MAP4K3: variants seen among roughly 807,000 people sequenced by gnomAD.
MAP4K3 encodes MAPK/ERK kinase kinase kinase 3.
In MAP4K3, 94 loss-of-function variants were observed where a neutral mutation model predicts 143.5. The ratio of observed to expected loss-of-function variants is 0.65; its 90% confidence interval spans 0.55 to 0.78. The LOEUF (loss-of-function observed/expected upper bound fraction) is 0.78, where lower values mean the gene tolerates loss of function less well. Among genes scored for constraint, MAP4K3 ranks in the 30% least tolerant of loss-of-function variants. MAP4K3 has a pLI of 0.00. For missense variants in MAP4K3, 1,077 were observed against 1,068.1 expected (o/e 1.01, Z -0.12); for synonymous variants, 416 against 347.2 (o/e 1.20, Z -2.20).
At chr2:39,269,543 T>C (rs1680924905) in intron 26 of MAP4K3, among the ~76,000 whole-genome samples, 1 of 145,760 alleles carries the variant, frequency 6.9e-6, no homozygotes, top group Non-Finnish European at 1.5e-5. Flanking sequence ...GGCTCAATCT[T>C]GGGTCACCGC....
At chr2:39,422,130 G>A (rs1006615520) in intron 1 of MAP4K3, among the ~76,000 whole-genome samples, 6 of 151,562 alleles carry the variant, frequency 4.0e-5, no homozygotes, top group Non-Finnish European at 1.5e-5. Flanking sequence ...AAATACTCCT[G>A]AGAAAAACAC....
intron 31 of MAP4K3, among the ~76,000 whole-genome samples, chr2:39,255,678 A>C (rs1023851337): frequency 5.3e-5 from 8 of 152,158 alleles, no homozygotes; most frequent in Non-Finnish European, 1.2e-4. Flanking sequence ...CTTCCATATA[A>C]ATTTATTTTT....
chr2:39,332,040 T>C, intron 7 of MAP4K3, 51 bp from the exon 8 acceptor site: 1 of 1,046,280 alleles, frequency 9.6e-7, no homozygotes, highest in Non-Finnish European at 1.4e-6. Context: ...AATAAAATTG[T>C]TTAAGGCAAC....
At chr2:39,263,033 A>C (rs890222456) in intron 28 of MAP4K3, among the ~76,000 whole-genome samples, 1 of 151,912 alleles carries the variant, frequency 6.6e-6, no homozygotes, top group Non-Finnish European at 1.5e-5. Flanking sequence ...CTGAGGGTGC[A>C]GTGAGCTGAG....
At chr2:39,369,213 T>TTTTTTTTTTTTTTTTTTTTTA (rs1666013971) in intron 2 of MAP4K3, among the ~76,000 whole-genome samples, 1 of 147,888 alleles carries the variant, frequency 6.8e-6, no homozygotes. Flanking sequence ...TTGTTTTTTT[T>TTTTTTTTTTTTTTTTTTTTTA]GAGATGCAGT....
At position 39,416,002 on chromosome 2, in the gene MAP4K3, TATAAAA is replaced by T. The variant is rs1215696480; in HGVS notation, c.96+20884_96+20889del. Among the ~76,000 whole-genome samples the T allele has an allele frequency of 6.9e-3, 627 of 91,096 alleles. 49 individuals carry two copies. Among genetic ancestry groups the T allele is most frequent in the African/African-American group, 0.028 (603 of 21,346 alleles). 59.8% of individuals were successfully genotyped at this position (91,096 alleles called of 152,430 possible). A position where few individuals can be genotyped will look rare whatever the true frequency, so the allele number is the denominator to read the frequency against. On this transcript the variant is annotated intron_variant, in intron 1 of 33. Transcript: ENST00000263881. ...AAAAATATATATATATATATATATA[TATAAAA>T]ATAACATTTGGAAGAATAAATTCCC...
Position 39,395,807 on chromosome 2 carries a change from T to A in MAP4K3, c.97-17684A>T, listed in dbSNP as rs1051927748. On this transcript the variant is annotated intron_variant, in intron 1 of 33. Coordinates refer to ENST00000263881, the MANE Select transcript of MAP4K3 (RefSeq NM_003618.4). ...AAACACTATCAAATAATTCTTTCCA[T>A]CTGTTTAGTTAAAAGGAGGGGGAGA... is the stretch of plus-strand genomic sequence containing the variant. 1.2e-4 allele frequency among the ~76,000 whole-genome samples: 18 copies of A among 152,202 alleles called. 1 individual carries two copies. The highest frequency in any genetic ancestry group is 1.3e-4 in the Non-Finnish European group (9 of 68,030).
chr2:39,291,556 G>T (rs1170011516), intron 18 of MAP4K3, among the ~76,000 whole-genome samples: 1 of 152,152 alleles, frequency 6.6e-6, no homozygotes, highest in Non-Finnish European at 1.5e-5. Context: ...GAATGTGACT[G>T]AAGTTAGGAT....
chr2:39,313,492 T>G (rs1462610135), intron 13 of MAP4K3, among the ~76,000 whole-genome samples: 1 of 152,088 alleles, frequency 6.6e-6, no homozygotes, highest in Non-Finnish European at 1.5e-5. Flanking sequence ...TTTCTTTTCT[T>G]TTCTTTCTTC....
chr2:39,345,746 C>T lies in MAP4K3; in HGVS notation c.246-2294G>A, dbSNP rs1417938461. On this transcript the variant is annotated intron_variant, in intron 3 of 33. Coordinates refer to ENST00000263881, the MANE Select transcript of MAP4K3 (RefSeq NM_003618.4). ...CATCCTGGCTAACACGGTGAAACCA[C>T]GTCTCTACTAAAAATACAAGAAGAA... Among the ~76,000 whole-genome samples the T allele has an allele frequency of 3.3e-5, 5 of 151,818 alleles. No individual in the cohort carries two copies. The East Asian group carries it at 7.8e-4, about 24-fold the overall frequency.
At chr2:39,268,192 A>T (rs10185961) in intron 26 of MAP4K3, among the ~76,000 whole-genome samples, 105,308 of 152,138 alleles carry the variant, frequency 0.69, 40,368 homozygotes, top group Non-Finnish European at 0.85. Flanking sequence ...GAATTTTTTT[A>T]AAAACTACAA....
intron 22 of MAP4K3, among the ~76,000 whole-genome samples, chr2:39,281,373 A>G (rs912737614): frequency 4.6e-5 from 7 of 152,202 alleles, no homozygotes; most frequent in African/African-American, 1.7e-4. Flanking sequence ...TATATCTTTA[A>G]AGACTCTGGT....
intron 24 of MAP4K3, among the ~76,000 whole-genome samples, chr2:39,275,981 T>C (rs544544162): frequency 6.6e-5 from 10 of 152,304 alleles, no homozygotes; most frequent in Admixed American, 2.0e-4. Context: ...TAAGTGATTC[T>C]CCTGTCTCAG....
At chr2:39,413,165 A>G in intron 1 of MAP4K3, among the ~76,000 whole-genome samples, 1 of 152,368 alleles carries the variant, frequency 6.6e-6, no homozygotes, top group African/African-American at 2.4e-5. Context: ...TTCATGCAGT[A>G]AAAGTTAGAG....
intron 3 of MAP4K3, among the ~76,000 whole-genome samples, chr2:39,352,801 T>C (rs184385328): frequency 2.6e-5 from 4 of 152,290 alleles, no homozygotes; most frequent in Non-Finnish European, 4.4e-5. Flanking sequence ...AGAAAATTCA[T>C]AGGGTAAATC....
chr2:39,325,557 A>G lies in MAP4K3; in HGVS notation c.879T>C (p.Asp293=), dbSNP rs1683461446. The change falls in exon 12 of 34, where the codon GAT becomes GAC. Residue 293 remains aspartate, a synonymous_variant. Coordinates refer to ENST00000263881, the MANE Select transcript of MAP4K3 (RefSeq NM_003618.4). ...CATCGAAATCATGGTAAGTGGAATGATCTGGATTATTTACTTTATCCAACA... is the reference window on the plus strand; with the variant it reads ...CATCGAAATCATGGTAAGTGGAATGGTCTGGATTATTTACTTTATCCAACA... ...IELLDKVNNP[D]HSTYHDFDDD... 1.2e-6 allele frequency: 2 copies of G among 1,612,874 alleles called. No individual in the cohort carries two copies. Among genetic ancestry groups the G allele is most frequent in the Non-Finnish European group, 1.7e-6 (2 of 1,179,682 alleles).
At chr2:39,364,679 C>A (rs1330774903) in intron 2 of MAP4K3, among the ~76,000 whole-genome samples, 1 of 152,136 alleles carries the variant, frequency 6.6e-6, no homozygotes, top group Non-Finnish European at 1.5e-5. Flanking sequence ...ACCAGCCTGG[C>A]CAACATGGTG....
chr2:39,262,625 G>T (rs1282404821), intron 28 of MAP4K3, among the ~76,000 whole-genome samples: 1 of 151,962 alleles, frequency 6.6e-6, no homozygotes, highest in African/African-American at 2.4e-5. Context: ...TAAGCAATTT[G>T]TATAAGTCAT....
At chr2:39,250,748 G>A (rs1284564476) in intron 33 of MAP4K3, 43 bp from the exon 34 acceptor site, 2 of 1,530,318 alleles carry the variant, frequency 1.3e-6, no homozygotes, top group Non-Finnish European at 1.8e-6. Flanking sequence ...AGTTATTCCT[G>A]AAAATTAATG....
Sources: gnomAD v4.1 joint callset for allele counts (sites outside exome capture counted in the v4.1 genomes callset) on GRCh38, gnomAD v4.1.1 for gene constraint, MANE v1.5 for transcripts, NCBI Gene and HGNC (gene_info 2026-07-23, HGNC 2026-07-21) for gene names.